HPX: variants seen among roughly 807,000 people sequenced by gnomAD.
The protein encoded by HPX is hemopexin, also known as beta-1B-glycoprotein.
A neutral mutation model predicts 53.8 loss-of-function variants in HPX; 42 were observed. That is an observed-to-expected ratio of 0.78 (90% CI 0.61 to 1.01). The LOEUF is 1.01. HPX is among the 50% of genes least tolerant of loss of function. HPX has a pLI of 0.00. For synonymous variants in HPX, 229 were observed against 221.1 expected, an observed-to-expected ratio of 1.04 and a Z score of -0.32; for missense variants, 547 against 594.3, an observed-to-expected ratio of 0.92 and a Z score of 0.83.
Position 6,440,696 on chromosome 11 carries a change from T to C in HPX, c.118A>G (p.Thr40Ala), listed in dbSNP as rs75099526. 2.9e-3 allele frequency: 4,636 copies of C among 1,612,880 alleles called. 100 individuals are homozygous for C. In the African/African-American group the frequency reaches 0.049, roughly 17 times the overall value. ...CCAGTCACGTCTGGGTCTGGCTTGG[T>C]CTCGCCTTCAGCAACATTCCCATGG... Reference protein sequence around the residue: ...SAHGNVAEGETKPDPDVTERC... With the variant: ...SAHGNVAEGEAKPDPDVTERC... Residue 40 changes from threonine to alanine, a missense_variant, in exon 2 of 10, where the codon ACC (threonine) becomes GCC (alanine). Transcript: ENST00000265983.
chr11:6,434,908 T>C (rs147427077), intron 7 of HPX, among the ~76,000 whole-genome samples: 4 of 152,004 alleles, frequency 2.6e-5, no homozygotes, highest in South Asian at 2.1e-4. Context: ...CAAGCCAAAG[T>C]TGTGAAGAAG....
At chr11:6,440,409 C>G (rs1434123732) in intron 3 of HPX, 58 bp downstream of exon 3, 7 of 1,590,658 alleles carry the variant, frequency 4.4e-6, no homozygotes, top group Non-Finnish European at 6.0e-6. Flanking sequence ...ACAGGGACAC[C>G]CTTTGTGAAG....
At chr11:6,439,313 T>C (rs1305807731) in intron 4 of HPX, among the ~76,000 whole-genome samples, 1 of 152,204 alleles carries the variant, frequency 6.6e-6, no homozygotes, top group Non-Finnish European at 1.5e-5. Flanking sequence ...CATGAGACCC[T>C]GTGTGCACTT....
chr11:6,435,984 A>C (rs1404669917), intron 7 of HPX, among the ~76,000 whole-genome samples: 1 of 151,580 alleles, frequency 6.6e-6, no homozygotes, highest in African/African-American at 2.4e-5. Context: ...TCTGCATTTC[A>C]CTTTGTCTGT....
Position 6,431,474 on chromosome 11 carries a change from G to T in HPX, c.1130-4C>A, listed in dbSNP as rs1366289042. 6.2e-6 allele frequency: 10 copies of T among 1,614,096 alleles called. 1 individual carries two copies. The South Asian group carries it at 1.1e-4, about 18-fold the overall frequency. ...TCCAGCCACCACAGCCGCCGTCCTG[G>T]GGAGAAGGCACCAAACATAGCATGG... is the stretch of plus-strand genomic sequence containing the variant. On this transcript the variant is annotated splice_polypyrimidine_tract_variant and splice_region_variant and intron_variant, in intron 9 of 9. Coordinates refer to ENST00000265983, the MANE Select transcript of HPX (RefSeq NM_000613.3).
chr11:6,439,637 G>T (rs1388058827), intron 4 of HPX: 2 of 189,272 alleles, frequency 1.1e-5, no homozygotes, highest in Non-Finnish European at 2.2e-5. Flanking sequence ...TGAGAAGAGA[G>T]AGAAAAGAGG....
At chr11:6,435,844 C>T (rs1849409139) in intron 7 of HPX, among the ~76,000 whole-genome samples, 1 of 152,228 alleles carries the variant, frequency 6.6e-6, no homozygotes, top group Non-Finnish European at 1.5e-5. Context: ...TTTAGGAGTT[C>T]AGTAGCATTC....
intron 5 of HPX, chr11:6,437,868 T>C: frequency 1.7e-6 from 1 of 590,082 alleles, no homozygotes; most frequent in Non-Finnish European, 3.0e-6. Flanking sequence ...CTGGGAAAAC[T>C]TCCCAGGGAA....
chr11:6,440,435 G>A lies in HPX; in HGVS notation c.214+32C>T, dbSNP rs116397533. The A allele has an allele frequency of 7.4e-4, 1,189 of 1,598,728 alleles. 6 individuals carry two copies. The African/African-American group carries it at 8.3e-3, about 11-fold the overall frequency. ...CTTTGTGAAGGAGAGTAAGTCTAAG[G>A]TCCTAAACGCCCTAACCTCAGTCCC... On this transcript the variant is annotated intron_variant, in intron 3 of 9. Transcript: ENST00000265983.
chr11:6,436,932 C>G, intron 7 of HPX, 114 bp downstream of exon 7: 1 of 1,181,964 alleles, frequency 8.5e-7, no homozygotes, highest in Non-Finnish European at 1.2e-6. Flanking sequence ...AGGATGGGGA[C>G]AGAGGGGACA....
intron 7 of HPX, among the ~76,000 whole-genome samples, chr11:6,433,162 T>C (rs1345591047): frequency 6.6e-6 from 1 of 152,216 alleles, no homozygotes; most frequent in Non-Finnish European, 1.5e-5. Context: ...TTCCCTACTC[T>C]GACTGATATC....
intron 7 of HPX, among the ~76,000 whole-genome samples, chr11:6,433,451 A>G (rs1440448398): frequency 6.6e-6 from 1 of 152,240 alleles, no homozygotes; most frequent in African/African-American, 2.4e-5. Flanking sequence ...TGCTAGGATT[A>G]CAGGCGTAAG....
chr11:6,431,585 A>G (rs117272845), intron 9 of HPX, 56 bp downstream of exon 9: 29,040 of 1,608,714 alleles, frequency 0.018, 318 homozygotes, highest in Non-Finnish European at 0.022. Flanking sequence ...GTGGGGATCT[A>G]TGCCACAGAC....
At chr11:6,432,154 G>A (rs186942177) in intron 7 of HPX, 137 bp from the exon 8 acceptor site, 4 of 928,522 alleles carry the variant, frequency 4.3e-6, no homozygotes, top group East Asian at 2.4e-5. Context: ...CAGGTGAGAA[G>A]GAGAAATAGA....
intron 6 of HPX, 67 bp downstream of exon 6, chr11:6,437,373 G>A (rs566047313): frequency 2.6e-5 from 38 of 1,459,224 alleles, no homozygotes; most frequent in Admixed American, 1.3e-4. Flanking sequence ...GCTAGGACAC[G>A]TGAGATCCAC....
chr11:6,435,584 C>T (rs1849406328), intron 7 of HPX, among the ~76,000 whole-genome samples: 1 of 152,002 alleles, frequency 6.6e-6, no homozygotes, highest in Admixed American at 6.6e-5. Flanking sequence ...GTAGATGGGA[C>T]TATAGGAACG....
chr11:6,432,079 G>C, intron 7 of HPX, 62 bp from the exon 8 acceptor site: 1 of 1,591,044 alleles, frequency 6.3e-7, no homozygotes, highest in Admixed American at 1.7e-5. Context: ...GAAGAGGCTA[G>C]TGATGAATGC....
At chr11:6,439,709 T>C (rs1249508767) in intron 4 of HPX, 5 of 204,120 alleles carry the variant, frequency 2.4e-5, no homozygotes, top group Non-Finnish European at 5.1e-5. Context: ...TTTGGCAAGG[T>C]AGGAAAAGGC....
At chr11:6,432,618 A>G (rs185066638) in intron 7 of HPX, among the ~76,000 whole-genome samples, 23 of 152,232 alleles carry the variant, frequency 1.5e-4, no homozygotes, top group South Asian at 2.1e-4. Flanking sequence ...GTATTCTCCA[A>G]TTTGCGAAAT....
Sources: gnomAD v4.1 joint callset for allele counts (sites outside exome capture counted in the v4.1 genomes callset) on GRCh38, gnomAD v4.1.1 for gene constraint, MANE v1.5 for transcripts, NCBI Gene and HGNC (gene_info 2026-07-23, HGNC 2026-07-21) for gene names.